Variants in SHISA9 observed in about 807,000 individuals in gnomAD.
SHISA9 encodes protein shisa-9.
In SHISA9, 13 loss-of-function variants were observed where a neutral mutation model predicts 38.0. The observed-to-expected ratio is 0.34, with a 90% CI of 0.22 to 0.54. The LOEUF is 0.54. Ranked by LOEUF, SHISA9 falls within the 20% of genes least tolerant of loss-of-function variation. The pLI is 0.91. For missense variants in SHISA9, 538 were observed against 575.8 expected, an observed-to-expected ratio of 0.93 and a Z score of 0.67; for synonymous variants, 275 against 242.0, an observed-to-expected ratio of 1.14 and a Z score of -1.27.
At chr16:13,452,990 C>T in the SHISA9 span, among the ~76,000 whole-genome samples, 3 of 151,962 alleles carry the variant, frequency 2.0e-5, no homozygotes, top group East Asian at 5.8e-4. Context: ...CTCACTGCAA[C>T]CTCCACCTCC....
intron 2 of SHISA9, among the ~76,000 whole-genome samples, chr16:13,174,118 A>G (rs1002223833): frequency 2.6e-5 from 4 of 152,118 alleles, no homozygotes; most frequent in African/African-American, 7.2e-5. Context: ...GGTCTTTACT[A>G]ACTTGATATT....
chr16:13,525,802 T>C, the SHISA9 span, among the ~76,000 whole-genome samples: 3 of 152,252 alleles, frequency 2.0e-5, no homozygotes, highest in Non-Finnish European at 2.9e-5. Flanking sequence ...TGGTTCACGT[T>C]CCACACTTTG....
chr16:13,264,473 G>C, the SHISA9 span, among the ~76,000 whole-genome samples: 1 of 152,082 alleles, frequency 6.6e-6, no homozygotes, highest in African/African-American at 2.4e-5. Context: ...GTGCTGGCCT[G>C]TTTTAAATCT....
intron 2 of SHISA9, among the ~76,000 whole-genome samples, chr16:13,033,049 T>C (rs968535598): frequency 6.6e-6 from 1 of 152,182 alleles, no homozygotes; most frequent in African/African-American, 2.4e-5. Context: ...GACCAGATGG[T>C]GGCCAGAATT....
At chr16:12,970,491 ATATATATTTTTTTTTTT>A (rs2072063646) in intron 2 of SHISA9, among the ~76,000 whole-genome samples, 2 of 28,220 alleles carry the variant, frequency 7.1e-5, no homozygotes, top group African/African-American at 2.6e-4. Context: ...ATATATATAT[ATATATATTTTTTTTTTT>A]TTTTTTTTTT....
chr16:13,059,645 C>T (rs929511297), intron 2 of SHISA9, among the ~76,000 whole-genome samples: 1 of 152,132 alleles, frequency 6.6e-6, no homozygotes, highest in Admixed American at 6.5e-5. Flanking sequence ...AACAAACCTG[C>T]ACATCCTGCA....
At chr16:12,915,933 G>T (rs1567337726) in intron 1 of SHISA9, among the ~76,000 whole-genome samples, 1 of 151,500 alleles carries the variant, frequency 6.6e-6, no homozygotes, top group Non-Finnish European at 1.5e-5. Flanking sequence ...GTCTGATCTT[G>T]GGTGTGGTAT....
At chr16:13,501,413 A>G in the SHISA9 span, among the ~76,000 whole-genome samples, 1 of 152,178 alleles carries the variant, frequency 6.6e-6, no homozygotes, top group Non-Finnish European at 1.5e-5. Flanking sequence ...TATAAGAAAG[A>G]TAAACTTTAT....
chr16:12,983,062 C>T (rs2072261566), intron 2 of SHISA9, among the ~76,000 whole-genome samples: 2 of 152,200 alleles, frequency 1.3e-5, no homozygotes, highest in African/African-American at 4.8e-5. Flanking sequence ...AGGGTAGGCT[C>T]AAATCTCCCA....
rs569871229 is a variant in SHISA9 at position 13,214,965 on chromosome 16, G to C, written c.895+1665G>C. 1.2e-3 allele frequency among the ~76,000 whole-genome samples: 177 copies of C among 151,682 alleles called. 1 individual carries two copies. Among genetic ancestry groups the C allele is most frequent in the African/African-American group, 4.1e-3 (171 of 41,368 alleles). ...TAGTTGTGGCCATTTTTTTTTTGCC[G>C]TTTCAAAAGATTATTCTGGCTTCTA... is the stretch of plus-strand genomic sequence containing the variant. On this transcript the variant is annotated intron_variant, in intron 4 of 4. Coordinates refer to ENST00000558583, the MANE Select transcript of SHISA9 (RefSeq NM_001145204.3).
chr16:13,091,088 G>A (rs1329119575), intron 2 of SHISA9, among the ~76,000 whole-genome samples: 1 of 152,152 alleles, frequency 6.6e-6, no homozygotes, highest in Admixed American at 6.5e-5. Context: ...AAAATTCTGG[G>A]TTGAAAATTC....
At chr16:13,065,640 A>G (rs2073425516) in intron 2 of SHISA9, among the ~76,000 whole-genome samples, 1 of 152,246 alleles carries the variant, frequency 6.6e-6, no homozygotes, top group Non-Finnish European at 1.5e-5. Context: ...TTGCTAAGGA[A>G]GGGTTCGAAG....
intron 2 of SHISA9, among the ~76,000 whole-genome samples, chr16:12,960,607 TC>T (rs2071897089): frequency 6.6e-6 from 1 of 152,214 alleles, no homozygotes; most frequent in African/African-American, 2.4e-5. Context: ...TGAGATCATG[TC>T]CTTTGCAGGG....
At chr16:12,970,351 GT>G (rs2072042482) in intron 2 of SHISA9, among the ~76,000 whole-genome samples, 2 of 44,896 alleles carry the variant, frequency 4.5e-5, no homozygotes, top group African/African-American at 2.5e-4. Flanking sequence ...ATACATATAT[GT>G]GTATATATAT....
At chr16:12,944,121 G>A (rs547736913) in intron 2 of SHISA9, among the ~76,000 whole-genome samples, 1 of 152,180 alleles carries the variant, frequency 6.6e-6, no homozygotes, top group Non-Finnish European at 1.5e-5. Flanking sequence ...ATTGTTGAGG[G>A]GTGAAATTGT....
chr16:13,537,736 T>TA, the SHISA9 span, among the ~76,000 whole-genome samples: 1 of 152,206 alleles, frequency 6.6e-6, no homozygotes. Flanking sequence ...GGATGCATTG[T>TA]ACCATATGTA....
the SHISA9 span, among the ~76,000 whole-genome samples, chr16:13,262,664 G>GGAAA: frequency 2.6e-5 from 3 of 114,038 alleles, no homozygotes; most frequent in African/African-American, 1.0e-4. Flanking sequence ...AAGGAAGGAA[G>GGAAA]GAAGGAAGGG....
At chr16:13,221,967 A>T (rs952706365) in intron 4 of SHISA9, among the ~76,000 whole-genome samples, 2 of 152,184 alleles carry the variant, frequency 1.3e-5, no homozygotes, top group African/African-American at 2.4e-5. Context: ...TTATAAAGGA[A>T]AGAGGTTCAA....
At chr16:13,548,552 T>G in the SHISA9 span, among the ~76,000 whole-genome samples, 1 of 152,196 alleles carries the variant, frequency 6.6e-6, no homozygotes, top group Non-Finnish European at 1.5e-5. Flanking sequence ...GCAAAAGACC[T>G]GAACAGACAT....
Sources: allele counts gnomAD v4.1 joint callset (sites outside exome capture counted in the v4.1 genomes callset), GRCh38; gene constraint gnomAD v4.1.1; transcripts MANE v1.5; gene names NCBI Gene and HGNC (gene_info 2026-07-23, HGNC 2026-07-21).